The following MCTP2 variants were observed in gnomAD, a reference collection of about 807,000 sequenced individuals.
MCTP2 encodes multiple C2 and transmembrane domain containing 2.
In MCTP2, 132 loss-of-function variants were observed where a neutral mutation model predicts 111.6. That is an observed-to-expected ratio of 1.18 (90% confidence interval 1.03 to 1.37). The LOEUF (loss-of-function observed/expected upper bound fraction) is 1.37, where lower values mean the gene tolerates loss of function less well. Among genes scored for constraint, MCTP2 ranks in the 40% most tolerant of loss-of-function variants. The pLI, the probability that MCTP2 is intolerant of heterozygous loss-of-function variation, is 0.00. For missense variants in MCTP2, 1,183 were observed against 1,067.9 expected (o/e 1.11, Z -1.50); for synonymous variants, 395 against 387.7 (o/e 1.02, Z -0.22).
intron 1 of MCTP2, among the ~76,000 whole-genome samples, chr15:94,245,005 T>C (rs1001138351): frequency 1.3e-5 from 2 of 149,860 alleles, no homozygotes; most frequent in East Asian, 4.0e-4. Flanking sequence ...TATACGTATA[T>C]GTATACACAT....
chr15:94,456,367 C>T (rs1184269012), intron 19 of MCTP2, among the ~76,000 whole-genome samples: 1 of 152,116 alleles, frequency 6.6e-6, no homozygotes, highest in South Asian at 2.1e-4. Context: ...TTTATTAAAT[C>T]GAATGACATG....
At chr15:94,321,833 A>G (rs2076644443) in intron 4 of MCTP2, among the ~76,000 whole-genome samples, 3 of 152,252 alleles carry the variant, frequency 2.0e-5, no homozygotes, top group African/African-American at 4.8e-5. Context: ...GCCCGTTGGC[A>G]TATATTTTGT....
chr15:94,243,179 G>A (rs562829358), intron 1 of MCTP2, among the ~76,000 whole-genome samples: 6 of 147,746 alleles, frequency 4.1e-5, no homozygotes, highest in Middle Eastern at 7.4e-3. Context: ...ACGTACGTAT[G>A]TACGTATGCG....
chr15:94,303,068 ATATATAGTT>A, intron 2 of MCTP2, among the ~76,000 whole-genome samples: 1 of 145,644 alleles, frequency 6.9e-6, no homozygotes, highest in Non-Finnish European at 1.5e-5. Context: ...TGGAATATAT[ATATATAGTT>A]TATATATATA....
chr15:94,449,180 GAAT>G (rs2084296162), intron 19 of MCTP2, among the ~76,000 whole-genome samples: 1 of 152,078 alleles, frequency 6.6e-6, no homozygotes, highest in South Asian at 2.1e-4. Flanking sequence ...TATTAAACAA[GAAT>G]AATAAATTAA....
intron 10 of MCTP2, among the ~76,000 whole-genome samples, chr15:94,359,500 G>A (rs916752185): frequency 2.6e-5 from 4 of 152,158 alleles, no homozygotes; most frequent in Admixed American, 2.6e-4. Flanking sequence ...TTCCGAAGCT[G>A]GATCTTGGGT....
intron 1 of MCTP2, among the ~76,000 whole-genome samples, chr15:94,297,194 A>G (rs1327707606): frequency 6.6e-6 from 1 of 152,222 alleles, no homozygotes; most frequent in Non-Finnish European, 1.5e-5. Context: ...ACATAAAATA[A>G]GGGTTATTTC....
chr15:94,454,811 T>G (rs190677467), intron 19 of MCTP2, among the ~76,000 whole-genome samples: 3 of 152,204 alleles, frequency 2.0e-5, no homozygotes, highest in Non-Finnish European at 4.4e-5. Flanking sequence ...AATTCTGAAG[T>G]TATACTTTAG....
intron 12 of MCTP2, among the ~76,000 whole-genome samples, chr15:94,382,829 G>A (rs1216724077): frequency 6.6e-6 from 1 of 152,238 alleles, no homozygotes; most frequent in Non-Finnish European, 1.5e-5. Flanking sequence ...TGCAGACGCC[G>A]GCAATGCGTT....
intron 16 of MCTP2, among the ~76,000 whole-genome samples, chr15:94,400,676 A>C (rs934069603): frequency 4.0e-5 from 6 of 149,152 alleles, no homozygotes; most frequent in African/African-American, 1.5e-4. Context: ...TCCGCAGCTC[A>C]GGATTTCACT....
At chr15:94,390,096 A>G (rs56984991) in intron 14 of MCTP2, among the ~76,000 whole-genome samples, 1,881 of 13,352 alleles carry the variant, frequency 0.14, 148 homozygotes, top group African/African-American at 0.27. Flanking sequence ...ATATGTATAT[A>G]TATATATATA....
At chr15:94,244,176 A>T (rs530297275) in intron 1 of MCTP2, among the ~76,000 whole-genome samples, 1 of 145,318 alleles carries the variant, frequency 6.9e-6, no homozygotes, top group Non-Finnish European at 1.5e-5. Context: ...GTATACACAT[A>T]CGTATGTGTA....
chr15:94,301,235 G>A (rs932540336), intron 2 of MCTP2, among the ~76,000 whole-genome samples: 2 of 152,122 alleles, frequency 1.3e-5, no homozygotes, highest in Non-Finnish European at 2.9e-5. Flanking sequence ...GCTTTGCTGG[G>A]TGGCATGCTT....
intron 17 of MCTP2, among the ~76,000 whole-genome samples, chr15:94,427,621 C>T (rs77965882): frequency 0.013 from 2,044 of 152,188 alleles, 20 homozygotes; most frequent in Middle Eastern, 0.031. Context: ...GCCCCTCCCC[C>T]GACACGTGGG....
At chr15:94,363,227 G>A (rs1366696377) in intron 10 of MCTP2, among the ~76,000 whole-genome samples, 4 of 152,100 alleles carry the variant, frequency 2.6e-5, no homozygotes, top group Admixed American at 2.6e-4. Flanking sequence ...TGGGCAGAAG[G>A]CACAGTACTT....
At chr15:94,478,040 A>C (rs1350985903) in intron 22 of MCTP2, among the ~76,000 whole-genome samples, 2 of 152,120 alleles carry the variant, frequency 1.3e-5, no homozygotes, top group Non-Finnish European at 2.9e-5. Flanking sequence ...GTCCTTGGGG[A>C]ATTTGTCACA....
intron 20 of MCTP2, among the ~76,000 whole-genome samples, chr15:94,462,324 G>T (rs1016797920): frequency 2.0e-5 from 3 of 152,180 alleles, no homozygotes; most frequent in African/African-American, 7.2e-5. Context: ...TTTCATTAAT[G>T]GCGAAGTTAG....
chr15:94,339,398 C>A lies in MCTP2; in HGVS notation c.746C>A (p.Pro249Gln). 1 of 1,608,818 alleles carries A rather than the reference C, an allele frequency of 6.2e-7. No individual in the cohort carries two copies. Among genetic ancestry groups the A allele is most frequent in the African/African-American group, 1.3e-5 (1 of 74,738 alleles). Residue 249 changes from proline (P) to glutamine (Q), a missense_variant, in exon 5 of 23, where the codon CCA (proline) becomes CAA (glutamine). By Grantham distance (76) the Pro-to-Gln change is moderately conservative (BLOSUM62 -1). Coordinates refer to ENST00000357742, the MANE Select transcript of MCTP2 (RefSeq NM_001385001.1). ...NPVWDEIVVL[P>Q]IQSLDQKLRV... ...GTATGGGATGAGATAGTTGTATTGC[C>A]AATCCAAAGCCTTGATCAAAAGCTA... is the stretch of plus-strand genomic sequence containing the variant.
chr15:94,382,343 G>A (rs79686609), intron 12 of MCTP2, among the ~76,000 whole-genome samples: 1,724 of 152,236 alleles, frequency 0.011, 24 homozygotes, highest in African/African-American at 0.037. Context: ...TTTCTTTTCC[G>A]CTATATGTAG....
Sources: allele counts gnomAD v4.1 joint callset (sites outside exome capture counted in the v4.1 genomes callset), GRCh38; gene constraint gnomAD v4.1.1; transcripts MANE v1.5; gene names NCBI Gene and HGNC (gene_info 2026-07-23, HGNC 2026-07-21).